Variants in PDE3A observed in about 807,000 individuals in gnomAD.
PDE3A encodes the protein cGMP-inhibited 3',5'-cyclic phosphodiesterase 3A.
A neutral mutation model predicts 98.3 loss-of-function variants in PDE3A; 43 were observed. The observed-to-expected ratio is 0.44, with a 90% CI of 0.34 to 0.56. The LOEUF (loss-of-function observed/expected upper bound fraction) is 0.56, where lower values mean the gene tolerates loss of function less well. PDE3A is among the 20% of genes least tolerant of loss of function. The probability of loss-of-function intolerance (pLI) is 0.01; values close to 1 mark genes in which losing one functional copy is unlikely to be tolerated. For synonymous variants in PDE3A, 663 were observed against 567.9 expected (o/e 1.17, Z -2.38); for missense variants, 1,427 against 1,440.7 (o/e 0.99, Z 0.15).
At chr12:20,393,399 G>A (rs1943954203) in intron 1 of PDE3A, among the ~76,000 whole-genome samples, 1 of 151,946 alleles carries the variant, frequency 6.6e-6, no homozygotes, top group Non-Finnish European at 1.5e-5. Flanking sequence ...GGGGGAAACT[G>A]CTGCCATCAT....
rs1314464060 is a variant in PDE3A at position 20,369,712 on chromosome 12, T to A, written c.428T>A (p.Phe143Tyr). Reference sequence around the variant, plus strand: ...CTGCTCTTCAGTCTCCTGTGTGCCTTCTTCTGGATGGGCTTGTACCTCCTG... The same window carrying A: ...CTGCTCTTCAGTCTCCTGTGTGCCTACTTCTGGATGGGCTTGTACCTCCTG... ...SALLFSLLCA[F>Y]FWMGLYLLRA... The change falls in exon 1 of 16, where the codon TTC becomes TAC. Residue 143 changes from phenylalanine to tyrosine, a missense_variant. This residue lies in a region of PDE3A where 1,012 missense variants were observed against 886.5 expected (regional missense o/e 1.14). Transcript: ENST00000359062. 6.2e-7 allele frequency: 1 copy of A among 1,612,250 alleles called. No individual in the cohort carries two copies. The highest frequency in any genetic ancestry group is 1.3e-5 in the African/African-American group (1 of 75,030).
chr12:20,617,380 C>G (rs966791343), intron 4 of PDE3A, among the ~76,000 whole-genome samples: 6 of 152,082 alleles, frequency 3.9e-5, no homozygotes, highest in African/African-American at 1.2e-4. Flanking sequence ...GAAACAAACT[C>G]AAATGTCATT....
intron 4 of PDE3A, among the ~76,000 whole-genome samples, chr12:20,616,985 T>C (rs1388584412): frequency 6.6e-6 from 1 of 151,660 alleles, no homozygotes; most frequent in African/African-American, 2.4e-5. Context: ...TTGAAGAAAA[T>C]AGCTAAGGAA....
chr12:20,433,555 A>G (rs1282568648), intron 1 of PDE3A, among the ~76,000 whole-genome samples: 2 of 152,132 alleles, frequency 1.3e-5, no homozygotes, highest in African/African-American at 4.8e-5. Context: ...GAAGCTGTGT[A>G]TTTCCCATTT....
At chr12:20,404,313 T>A (rs886266803) in intron 1 of PDE3A, among the ~76,000 whole-genome samples, 1 of 152,102 alleles carries the variant, frequency 6.6e-6, no homozygotes, top group African/African-American at 2.4e-5. Flanking sequence ...TGAGTGAAAT[T>A]TTAGCAGAAG....
intron 1 of PDE3A, among the ~76,000 whole-genome samples, chr12:20,474,948 A>G (rs903326363): frequency 6.6e-6 from 1 of 152,098 alleles, no homozygotes; most frequent in Admixed American, 6.6e-5. Context: ...CCTAACATAG[A>G]AGATAAATTT....
intron 2 of PDE3A, among the ~76,000 whole-genome samples, chr12:20,582,141 T>G (rs1162075982): frequency 6.6e-6 from 1 of 152,112 alleles, no homozygotes. Context: ...AATTAAGAAC[T>G]AAGGAAATAT....
chr12:20,474,864 C>T (rs1055464560), intron 1 of PDE3A, among the ~76,000 whole-genome samples: 62 of 152,290 alleles, frequency 4.1e-4, no homozygotes, highest in African/African-American at 1.3e-3. Context: ...TCCGCAAATT[C>T]CCTTTTGCCC....
intron 1 of PDE3A, among the ~76,000 whole-genome samples, chr12:20,440,083 A>C (rs1394389823): frequency 6.6e-6 from 1 of 152,196 alleles, no homozygotes; most frequent in East Asian, 1.9e-4. Flanking sequence ...TCATTGTATG[A>C]TATAAATCCA....
chr12:20,654,477 T>C (rs1944993567), intron 15 of PDE3A, among the ~76,000 whole-genome samples: 1 of 140,182 alleles, frequency 7.1e-6, no homozygotes, highest in African/African-American at 2.7e-5. Flanking sequence ...AAGCCTATTC[T>C]TCAGGGTATC....
At chr12:20,639,746 A>T (rs1944603298) in intron 9 of PDE3A, 100 bp from the exon 10 acceptor site, 3 of 601,206 alleles carry the variant, frequency 5.0e-6, no homozygotes, top group Non-Finnish European at 6.1e-6. Flanking sequence ...AAAGGCATTT[A>T]ATGTTTTCCG....
At chr12:20,440,689 T>G (rs1407809888) in intron 1 of PDE3A, among the ~76,000 whole-genome samples, 1 of 152,164 alleles carries the variant, frequency 6.6e-6, no homozygotes, top group East Asian at 1.9e-4. Flanking sequence ...TAAAACTATT[T>G]GTTAACAGCC....
At position 20,603,260 on chromosome 12, in the gene PDE3A, G is replaced by GTGTT. The variant is rs966033696; in HGVS notation, c.1012-10180_1012-10177dup. 9.2e-4 allele frequency among the ~76,000 whole-genome samples: 140 copies of GTGTT among 152,020 alleles called. 1 individual carries two copies. Among genetic ancestry groups the GTGTT allele is most frequent in the African/African-American group, 3.1e-3 (127 of 41,450 alleles). ...ACCCTAAGAATATTCCTCCCATGCT[G>GTGTT]TGTTTGCCTCCCAGGGTGCCTCCCA... On this transcript the variant is annotated intron_variant, in intron 2 of 15. Transcript: ENST00000359062.
At chr12:20,485,439 GT>G (rs145864739) in intron 1 of PDE3A, among the ~76,000 whole-genome samples, 24 of 150,868 alleles carry the variant, frequency 1.6e-4, no homozygotes, top group African/African-American at 4.4e-4. Flanking sequence ...CTGCAAATAT[GT>G]TTTTTTTTAG....
chr12:20,641,894 A>G (rs370237762), intron 10 of PDE3A, among the ~76,000 whole-genome samples: 1 of 152,102 alleles, frequency 6.6e-6, no homozygotes, highest in Non-Finnish European at 1.5e-5. Context: ...GAATTTATTT[A>G]CATCTTCTCA....
intron 1 of PDE3A, among the ~76,000 whole-genome samples, chr12:20,382,385 C>T (rs1256774960): frequency 1.3e-5 from 2 of 151,882 alleles, no homozygotes; most frequent in African/African-American, 4.8e-5. Flanking sequence ...ACTATACACA[C>T]GCACTATAGT....
At chr12:20,562,109 G>T (rs868718509) in intron 2 of PDE3A, among the ~76,000 whole-genome samples, 12 of 152,028 alleles carry the variant, frequency 7.9e-5, no homozygotes, top group South Asian at 2.1e-4. Context: ...TGAAGTCAGG[G>T]GATGAAATTC....
intron 2 of PDE3A, among the ~76,000 whole-genome samples, chr12:20,583,142 C>T (rs1407007810): frequency 6.6e-6 from 1 of 152,264 alleles, no homozygotes; most frequent in Non-Finnish European, 1.5e-5. Context: ...AAATACTCCC[C>T]TCTACTTTGC....
chr12:20,369,376 A>G lies in PDE3A; in HGVS notation c.92A>G (p.His31Arg). Residue 31 changes from histidine (H) to arginine (R), a missense_variant, in exon 1 of 16, where the codon CAT (histidine) becomes CGT (arginine). By Grantham distance (29) the His-to-Arg change is conservative. This residue lies in a region of PDE3A where 1,012 missense variants were observed against 886.5 expected (regional missense o/e 1.14). Transcript: ENST00000359062. The part of the protein sequence containing the change: ...QAPTAGRDCH[H>R]RADPASPRDS... ...CCCACGGCGGGCCGGGACTGCCACC[A>G]TCGTGCGGACCCCGCATCGCCGCGG... The G allele has an allele frequency of 1.9e-6, 3 of 1,550,076 alleles. No homozygotes were observed. Among genetic ancestry groups the G allele is most frequent in the African/African-American group, 2.7e-5 (2 of 73,194 alleles).
Sources: allele counts gnomAD v4.1 joint callset (sites outside exome capture counted in the v4.1 genomes callset), GRCh38; gene constraint gnomAD v4.1.1; regional missense constraint gnomAD v4.1.1; transcripts MANE v1.5; gene names NCBI Gene and HGNC (gene_info 2026-07-23, HGNC 2026-07-21).